FMN1: variants seen among roughly 807,000 people sequenced by gnomAD.
The protein encoded by FMN1 is formin 1.
FMN1 carries 110 observed loss-of-function variants against 132.4 expected under a neutral mutation model. That is an observed-to-expected ratio of 0.83 (90% CI 0.71 to 0.97). FMN1 has a LOEUF of 0.97. Among genes scored for constraint, FMN1 ranks in the 50% least tolerant of loss-of-function variants. The pLI is 0.00. For synonymous variants in FMN1, 722 were observed against 651.7 expected, an observed-to-expected ratio of 1.11 and a Z score of -1.64; for missense variants, 1,792 against 1,705.3, an observed-to-expected ratio of 1.05 and a Z score of -0.90.
At chr15:32,824,573 C>T (rs1009014188) in intron 17 of FMN1, among the ~76,000 whole-genome samples, 6 of 152,232 alleles carry the variant, frequency 3.9e-5, no homozygotes, top group East Asian at 3.9e-4. Flanking sequence ...TATATTCAGG[C>T]TCCAAGGCCC....
intron 6 of FMN1, among the ~76,000 whole-genome samples, chr15:33,045,426 G>A (rs1006629606): frequency 6.6e-6 from 1 of 152,208 alleles, no homozygotes; most frequent in Non-Finnish European, 1.5e-5. Context: ...AGAGGTTTCT[G>A]GCTGTTAAGA....
intron 17 of FMN1, among the ~76,000 whole-genome samples, chr15:32,852,566 T>C (rs2059032398): frequency 6.6e-6 from 1 of 152,164 alleles, no homozygotes; most frequent in Non-Finnish European, 1.5e-5. Flanking sequence ...GGGGTCTCAC[T>C]TTGTTGCCCA....
intron 17 of FMN1, among the ~76,000 whole-genome samples, chr15:32,811,299 G>A (rs1245308928): frequency 2.0e-5 from 3 of 152,176 alleles, no homozygotes; most frequent in African/African-American, 7.2e-5. Flanking sequence ...GTCTGTCAGA[G>A]CAAGTGTCTA....
intron 2 of FMN1, among the ~76,000 whole-genome samples, chr15:33,186,145 C>T (rs1487831502): frequency 1.3e-5 from 2 of 151,820 alleles, no homozygotes; most frequent in Non-Finnish European, 2.9e-5. Flanking sequence ...AAAAGGAAGC[C>T]TCATGGCCTT....
chr15:33,091,998 CAGTATT>C (rs1478650944), intron 4 of FMN1, among the ~76,000 whole-genome samples: 4 of 152,266 alleles, frequency 2.6e-5, no homozygotes, highest in South Asian at 2.1e-4. Flanking sequence ...GTTTTGTACT[CAGTATT>C]AGTTATTTTG....
Position 32,765,892 on chromosome 15 carries a change from A to G in FMN1, c.*8418T>C, listed in dbSNP as rs1236276919. On this transcript the variant is annotated 3_prime_UTR_variant, in exon 21 of 21. Transcript: ENST00000616417. ...AAAATAAATACTTCATTTGGTTGCAAATGACATTTATAAATTCAACTCATG... is the reference window on the plus strand; with the variant it reads ...AAAATAAATACTTCATTTGGTTGCAGATGACATTTATAAATTCAACTCATG... 1 of 152,198 alleles carries G rather than the reference A, an allele frequency of 6.6e-6. No individual in the cohort carries two copies. Among genetic ancestry groups the G allele is most frequent in the South Asian group, 2.1e-4 (1 of 4,826 alleles). The allele number at this position is 152,198 out of a possible 1,614,324, so 9.4% of individuals were successfully genotyped here. A position where few individuals can be genotyped will look rare whatever the true frequency, so the allele number is the denominator to read the frequency against.
intron 5 of FMN1, chr15:33,066,975 C>T: frequency 1.2e-6 from 2 of 1,613,992 alleles, no homozygotes; most frequent in Non-Finnish European, 1.7e-6. Flanking sequence ...AAAGCTAAGT[C>T]CCCATCCTTT....
At chr15:32,916,812 A>G (rs1310445307) in intron 10 of FMN1, among the ~76,000 whole-genome samples, 1 of 152,202 alleles carries the variant, frequency 6.6e-6, no homozygotes, top group Non-Finnish European at 1.5e-5. Context: ...AGCCAAAATA[A>G]AACTTAGCTG....
At chr15:32,981,636 AGCATCTTAAT>A (rs1456410738) in intron 7 of FMN1, among the ~76,000 whole-genome samples, 3 of 151,660 alleles carry the variant, frequency 2.0e-5, no homozygotes, top group South Asian at 4.1e-4. Flanking sequence ...TCCTCAAAAA[AGCATCTTAAT>A]GAAAACACAG....
intron 15 of FMN1, among the ~76,000 whole-genome samples, chr15:32,891,602 T>C (rs1438287911): frequency 6.6e-6 from 1 of 152,180 alleles, no homozygotes; most frequent in Non-Finnish European, 1.5e-5. Flanking sequence ...ACTGAATTTG[T>C]AGATTGCTTT....
chr15:32,791,244 C>G (rs1239341933), intron 19 of FMN1, among the ~76,000 whole-genome samples: 3 of 124,428 alleles, frequency 2.4e-5, no homozygotes, highest in Non-Finnish European at 5.1e-5. Flanking sequence ...TGAAAGAACT[C>G]AAGCTTTAGT....
intron 7 of FMN1, among the ~76,000 whole-genome samples, chr15:32,986,922 A>C (rs1487420284): frequency 6.6e-6 from 1 of 152,174 alleles, no homozygotes; most frequent in Non-Finnish European, 1.5e-5. Flanking sequence ...TATGAATTTA[A>C]ATCTGACTTA....
intron 18 of FMN1, among the ~76,000 whole-genome samples, chr15:32,803,097 A>G (rs762631978): frequency 2.0e-5 from 3 of 152,162 alleles, no homozygotes; most frequent in Non-Finnish European, 1.5e-5. Context: ...GGGATTTCAG[A>G]AGTCTCGGAA....
chr15:33,010,586 GATGTA>G (rs1374788038), intron 6 of FMN1, among the ~76,000 whole-genome samples: 1 of 152,040 alleles, frequency 6.6e-6, no homozygotes, highest in African/African-American at 2.4e-5. Context: ...GCTACTAGCA[GATGTA>G]ATGGATGAGA....
chr15:32,870,711 A>C (rs1188694907), intron 16 of FMN1, among the ~76,000 whole-genome samples: 4 of 152,136 alleles, frequency 2.6e-5, no homozygotes, highest in African/African-American at 9.7e-5. Context: ...TTAATCACCT[A>C]CCCATGACGA....
intron 4 of FMN1, among the ~76,000 whole-genome samples, chr15:33,106,624 G>A (rs1371722710): frequency 6.6e-6 from 1 of 151,996 alleles, no homozygotes; most frequent in African/African-American, 2.4e-5. Context: ...TTGCCTTGCT[G>A]GCTCCTCATC....
intron 19 of FMN1, among the ~76,000 whole-genome samples, chr15:32,783,510 G>A (rs1355190347): frequency 6.6e-6 from 1 of 152,054 alleles, no homozygotes; most frequent in African/African-American, 2.4e-5. Flanking sequence ...ACTTTGGGAG[G>A]CCGAGGTGAG....
At chr15:32,818,144 T>C (rs952578317) in intron 17 of FMN1, among the ~76,000 whole-genome samples, 1 of 152,168 alleles carries the variant, frequency 6.6e-6, no homozygotes, top group Non-Finnish European at 1.5e-5. Flanking sequence ...CATTTGTGCT[T>C]TAGTTATATA....
At chr15:32,842,563 T>C (rs1241856144) in intron 17 of FMN1, among the ~76,000 whole-genome samples, 1 of 152,114 alleles carries the variant, frequency 6.6e-6, no homozygotes, top group Non-Finnish European at 1.5e-5. Context: ...AGGCAAAGAC[T>C]GTGTTCCTTT....
Sources: allele counts gnomAD v4.1 joint callset (sites outside exome capture counted in the v4.1 genomes callset), GRCh38; gene constraint gnomAD v4.1.1; transcripts MANE v1.5; gene names NCBI Gene and HGNC (gene_info 2026-07-23, HGNC 2026-07-21).